The following LYSMD2 variants were observed in gnomAD, a reference collection of about 807,000 sequenced individuals.
The protein encoded by LYSMD2 is LysM domain containing 2.
LYSMD2 carries 6 observed loss-of-function variants against 17.7 expected under a neutral mutation model. The observed-to-expected ratio is 0.34, with a 90% CI of 0.19 to 0.67. The LOEUF is 0.67. Among genes scored for constraint, LYSMD2 ranks in the 30% least tolerant of loss-of-function variants. LYSMD2 has a pLI of 0.69. For missense variants in LYSMD2, 237 were observed against 286.7 expected (o/e 0.83, Z 1.25); for synonymous variants, 102 against 129.8 (o/e 0.79, Z 1.45).
At chr15:51,724,751 T>C (rs755497881) in intron 2 of LYSMD2, 39 bp downstream of exon 2, 1 of 1,442,816 alleles carries the variant, frequency 6.9e-7, no homozygotes, top group Non-Finnish European at 9.5e-7. Flanking sequence ...TTAATAGTGA[T>C]TTATTTAGAC....
chr15:51,732,060 T>C (rs1280012884), intron 1 of LYSMD2, among the ~76,000 whole-genome samples: 1 of 152,190 alleles, frequency 6.6e-6, no homozygotes, highest in African/African-American at 2.4e-5. Context: ...CCTAAACTTA[T>C]ATGTCATTCC....
At chr15:51,728,347 A>G (rs1661458930) in intron 1 of LYSMD2, among the ~76,000 whole-genome samples, 1 of 151,376 alleles carries the variant, frequency 6.6e-6, no homozygotes, top group African/African-American at 2.4e-5. Flanking sequence ...TGAAGGTGGG[A>G]GGCAGAGGTT....
Position 51,723,569 on chromosome 15 carries a change from A to T in LYSMD2, c.*38T>A. On this transcript the variant is annotated 3_prime_UTR_variant, in exon 3 of 3. Coordinates refer to ENST00000267838, the MANE Select transcript of LYSMD2 (RefSeq NM_153374.3). Reference sequence around the variant, plus strand: ...TTGTTGGATTCTTTATGGTCCAAACATATCTTAATTTTGGTTAGAGTTATG... The same window carrying T: ...TTGTTGGATTCTTTATGGTCCAAACTTATCTTAATTTTGGTTAGAGTTATG... 2.6e-6 allele frequency: 4 copies of T among 1,514,278 alleles called. No individual in the cohort carries two copies. Among genetic ancestry groups the T allele is most frequent in the Non-Finnish European group, 3.7e-6 (4 of 1,090,220 alleles). The allele number at this position is 1,514,278 out of a possible 1,614,324, so 93.8% of individuals were successfully genotyped here. A position where few individuals can be genotyped will look rare whatever the true frequency, so the allele number is the denominator to read the frequency against.
intron 1 of LYSMD2, among the ~76,000 whole-genome samples, chr15:51,733,674 T>C (rs1204723379): frequency 2.6e-5 from 4 of 152,258 alleles, no homozygotes; most frequent in Admixed American, 2.0e-4. Flanking sequence ...GAGGCCCTTG[T>C]TCACAAACTA....
chr15:51,723,728 A>T (rs1434805558), intron 2 of LYSMD2, 79 bp from the exon 3 acceptor site: 2 of 1,042,262 alleles, frequency 1.9e-6, no homozygotes, highest in African/African-American at 1.7e-5. Context: ...ATTATACAAT[A>T]TCCACTTGCC....
intron 1 of LYSMD2, among the ~76,000 whole-genome samples, chr15:51,742,712 C>CT: frequency 6.6e-6 from 1 of 152,094 alleles, no homozygotes; most frequent in East Asian, 1.9e-4. Flanking sequence ...AATACCAGCA[C>CT]TTTAAGAGGC....
chr15:51,746,742 C>G (rs188534889), intron 1 of LYSMD2, among the ~76,000 whole-genome samples: 1 of 152,278 alleles, frequency 6.6e-6, no homozygotes, highest in East Asian at 1.9e-4. Context: ...CCCCACCACT[C>G]TACCCCGTCT....
intron 2 of LYSMD2, 137 bp from the exon 3 acceptor site, chr15:51,723,786 G>A (rs2141589761): frequency 1.8e-6 from 1 of 542,784 alleles, no homozygotes; most frequent in Non-Finnish European, 3.2e-6. Context: ...CTAGACAACT[G>A]TATGAAATGC....
chr15:51,735,020 C>T (rs2055599645), intron 1 of LYSMD2, among the ~76,000 whole-genome samples: 1 of 151,888 alleles, frequency 6.6e-6, no homozygotes, highest in Admixed American at 6.6e-5. Context: ...ACAAAAAATA[C>T]AAAAATTAGC....
In LYSMD2 at chr15:51,723,244, T is replaced by C. The variant is rs563212696; in HGVS notation, c.*363A>G. ...CAGCATCACTTAAACAGCAACCATA[T>C]TTTCACATAATCAGGATTGCATAAG... On this transcript the variant is annotated 3_prime_UTR_variant, in exon 3 of 3. Coordinates refer to ENST00000267838, the MANE Select transcript of LYSMD2 (RefSeq NM_153374.3). 7.2e-4 allele frequency: 134 copies of C among 185,206 alleles called. No homozygotes were observed. The highest frequency in any genetic ancestry group is 3.0e-3 in the African/African-American group (125 of 41,976). 11.5% of individuals were successfully genotyped at this position (185,206 alleles called of 1,614,324 possible). A position where few individuals can be genotyped will look rare whatever the true frequency, so the allele number is the denominator to read the frequency against.
At chr15:51,732,689 G>A (rs1484298164) in intron 1 of LYSMD2, among the ~76,000 whole-genome samples, 1 of 152,124 alleles carries the variant, frequency 6.6e-6, no homozygotes, top group Non-Finnish European at 1.5e-5. Context: ...CCATCCCCAG[G>A]ATGCCCAGGC....
chr15:51,728,311 C>T (rs531506350), intron 1 of LYSMD2, among the ~76,000 whole-genome samples: 6 of 150,930 alleles, frequency 4.0e-5, no homozygotes, highest in South Asian at 2.1e-4. Flanking sequence ...TCCAGCTACT[C>T]GGGAGCCTGA....
chr15:51,735,614 A>C (rs1426609958), intron 1 of LYSMD2, among the ~76,000 whole-genome samples: 1 of 149,928 alleles, frequency 6.7e-6, no homozygotes, highest in Non-Finnish European at 1.5e-5. Flanking sequence ...AAAAGTCTTT[A>C]TAAAAGCAAC....
intron 1 of LYSMD2, among the ~76,000 whole-genome samples, chr15:51,728,081 T>C (rs1185210181): frequency 2.0e-5 from 3 of 152,172 alleles, no homozygotes; most frequent in African/African-American, 7.2e-5. Flanking sequence ...GTAAGGATAG[T>C]AACAGTTCCT....
At chr15:51,748,560 T>C (rs894688119) in intron 1 of LYSMD2, among the ~76,000 whole-genome samples, 11 of 152,174 alleles carry the variant, frequency 7.2e-5, no homozygotes, top group African/African-American at 2.7e-4. Flanking sequence ...CCATCTCAAA[T>C]TGACTCAACA....
chr15:51,729,999 G>C (rs1378522279), intron 1 of LYSMD2, among the ~76,000 whole-genome samples: 1 of 152,170 alleles, frequency 6.6e-6, no homozygotes, highest in Non-Finnish European at 1.5e-5. Context: ...GGATGAATGG[G>C]AGTGGGGAGG....
In LYSMD2 at chr15:51,737,625, G is replaced by A; in HGVS notation, c.-3C>T. On this transcript the variant is annotated 5_prime_UTR_variant, in exon 1 of 3. Transcript: ENST00000267838. This position sits in a 1 kb window ranked among gnomAD's most constrained non-coding sequence, Gnocchi z 4.2. ...AGTGCGGGCGAGGAATCCGCCATGG[G>A]TCCTGCCGAGGCCGCCGGGTCGGGG... 1.7e-6 allele frequency: 2 copies of A among 1,206,502 alleles called. No individual in the cohort carries two copies. Among genetic ancestry groups the A allele is most frequent in the Non-Finnish European group, 1.0e-6 (1 of 971,960 alleles). 74.7% of individuals were successfully genotyped at this position (1,206,502 alleles called of 1,614,324 possible).
intron 1 of LYSMD2, among the ~76,000 whole-genome samples, chr15:51,745,415 T>C (rs2055662403): frequency 6.6e-6 from 1 of 152,172 alleles, no homozygotes; most frequent in South Asian, 2.1e-4. Context: ...CCAACTGGGA[T>C]TTATCCCAGG....
Position 51,725,008 on chromosome 15 carries a change from G to T in LYSMD2, c.387C>A (p.Asn129Lys). 6.2e-7 allele frequency: 1 copy of T among 1,613,304 alleles called. No individual in the cohort carries two copies. The highest frequency in any genetic ancestry group is 1.1e-5 in the South Asian group (1 of 91,060). Residue 129 changes from asparagine (N) to lysine (K), a missense_variant, in exon 2 of 3, where the codon AAC becomes AAA. Transcript: ENST00000267838. Reference sequence around the variant, plus strand: ...TTTCATTTTCTGGAGAATCAATGGAGTTAAGTCCATTAAACAACAAAGGCT... The same window carrying T: ...TTTCATTTTCTGGAGAATCAATGGATTTAAGTCCATTAAACAACAAAGGCT... ...SEKPLLFNGL[N>K]SIDSPENETA... is the part of the protein sequence containing the mutation.
Sources: allele counts gnomAD v4.1 joint callset (sites outside exome capture counted in the v4.1 genomes callset), GRCh38; gene constraint gnomAD v4.1.1; non-coding constraint Gnocchi (gnomAD v3.1); transcripts MANE v1.5; gene names NCBI Gene and HGNC (gene_info 2026-07-23, HGNC 2026-07-21).